SHTN1: variants seen among roughly 807,000 people sequenced by gnomAD.
SHTN1 encodes the protein shootin 1.
In SHTN1, 42 loss-of-function variants were observed where a neutral mutation model predicts 83.1. The observed-to-expected ratio is 0.51, with a 90% CI of 0.39 to 0.65. The LOEUF (loss-of-function observed/expected upper bound fraction) is 0.65, where lower values mean the gene tolerates loss of function less well. Among genes scored for constraint, SHTN1 ranks in the 30% least tolerant of loss-of-function variants. SHTN1 has a pLI of 0.00. For missense variants in SHTN1, 622 were observed against 737.8 expected (o/e 0.84, Z 1.82); for synonymous variants, 224 against 247.7 (o/e 0.90, Z 0.90).
At chr10:116,947,882 A>G (rs1849646679) in intron 7 of SHTN1, among the ~76,000 whole-genome samples, 1 of 152,240 alleles carries the variant, frequency 6.6e-6, no homozygotes, top group South Asian at 2.1e-4. Context: ...AAATACAGAA[A>G]GACTTGGAGA....
intron 3 of SHTN1, among the ~76,000 whole-genome samples, chr10:116,960,740 T>A (rs886301443): frequency 1.3e-5 from 2 of 152,208 alleles, no homozygotes; most frequent in African/African-American, 4.8e-5. Flanking sequence ...TTGTCTCTAT[T>A]AGCTACAAAG....
chr10:116,944,943 G>A lies in SHTN1; in HGVS notation c.692C>T (p.Ala231Val). The stretch of plus-strand genomic sequence containing the variant: ...ACCCACCTCTTGTGCAAATGACTCT[G>A]CTTTCTTTCGAAGGTCCTTCTCCAG... ...LELEKDLRKK[A>V]ESFAQEMFIE... Residue 231 changes from alanine to valine, a missense_variant, in exon 8 of 17, where the codon GCA becomes GTA. By Grantham distance (64) the Ala-to-Val change is moderately conservative. This residue lies in a region of SHTN1 where 383 missense variants were observed against 455.8 expected (regional missense o/e 0.84). Coordinates refer to ENST00000355371, the MANE Select transcript of SHTN1 (RefSeq NM_001127211.3). 1 of 1,608,282 alleles carries A rather than the reference G, an allele frequency of 6.2e-7. No homozygotes were observed.
At chr10:116,957,329 C>T (rs1262082079) in intron 4 of SHTN1, among the ~76,000 whole-genome samples, 1 of 149,510 alleles carries the variant, frequency 6.7e-6, no homozygotes, top group Non-Finnish European at 1.5e-5. Context: ...TTTCAGCTCA[C>T]TGCAACCTCT....
intron 2 of SHTN1, among the ~76,000 whole-genome samples, chr10:116,978,358 G>A (rs1430396984): frequency 6.6e-6 from 1 of 152,164 alleles, no homozygotes; most frequent in Non-Finnish European, 1.5e-5. Flanking sequence ...ATTTAGAGCA[G>A]TGATGGCTAT....
intron 1 of SHTN1, among the ~76,000 whole-genome samples, chr10:117,110,503 C>G (rs760069426): frequency 6.6e-6 from 1 of 151,932 alleles, no homozygotes; most frequent in Non-Finnish European, 1.5e-5. Flanking sequence ...AGGTGCACAC[C>G]GCCATGCCTG....
intron 1 of SHTN1, among the ~76,000 whole-genome samples, chr10:117,071,082 A>G (rs1853075260): frequency 6.6e-6 from 1 of 152,170 alleles, no homozygotes; most frequent in Non-Finnish European, 1.5e-5. Flanking sequence ...TTAACAATAA[A>G]GCAGCAATTA....
chr10:117,014,766 T>G (rs536482119), intron 2 of SHTN1, among the ~76,000 whole-genome samples: 1 of 152,282 alleles, frequency 6.6e-6, no homozygotes, highest in African/African-American at 2.4e-5. Context: ...ATTTAAAAAC[T>G]TATTCAGTGA....
chr10:117,072,280 G>T (rs1303562964), intron 1 of SHTN1, among the ~76,000 whole-genome samples: 2 of 152,126 alleles, frequency 1.3e-5, no homozygotes, highest in African/African-American at 4.8e-5. Flanking sequence ...CCTATTGTGG[G>T]ACTTTGTGAT....
intron 1 of SHTN1, among the ~76,000 whole-genome samples, chr10:117,051,731 A>G (rs1852743472): frequency 6.6e-6 from 1 of 151,650 alleles, no homozygotes; most frequent in Non-Finnish European, 1.5e-5. Context: ...AAAAAAAAAA[A>G]TTCACTATTC....
intron 1 of SHTN1, among the ~76,000 whole-genome samples, chr10:117,069,631 AT>A (rs1337648815): frequency 3.3e-4 from 50 of 152,314 alleles, no homozygotes; most frequent in African/African-American, 1.0e-3. Context: ...TATTAAGTAA[AT>A]TATTACTATT....
chr10:117,035,542 T>A (rs1852482110), intron 2 of SHTN1, among the ~76,000 whole-genome samples: 1 of 151,990 alleles, frequency 6.6e-6, no homozygotes, highest in South Asian at 2.1e-4. Context: ...AAGAGACAAC[T>A]CACAGAATGG....
intron 11 of SHTN1, among the ~76,000 whole-genome samples, chr10:116,926,608 C>T (rs1184759956): frequency 6.6e-6 from 1 of 151,732 alleles, no homozygotes; most frequent in Non-Finnish European, 1.5e-5. Flanking sequence ...GTGGGAGGAA[C>T]ATGCTACGCA....
intron 16 of SHTN1, among the ~76,000 whole-genome samples, chr10:116,889,245 T>C (rs1053744023): frequency 6.6e-6 from 1 of 152,226 alleles, no homozygotes; most frequent in Non-Finnish European, 1.5e-5. Context: ...ACAGCAGCAA[T>C]ACATGGATGT....
At chr10:117,103,526 CT>C (rs1853627929) in intron 1 of SHTN1, among the ~76,000 whole-genome samples, 1 of 125,948 alleles carries the variant, frequency 7.9e-6, no homozygotes, top group South Asian at 2.6e-4. Flanking sequence ...CTCCCCTCCC[CT>C]CTCTTTTTTT....
At chr10:116,927,638 T>C (rs1848794224) in intron 11 of SHTN1, among the ~76,000 whole-genome samples, 154 bp downstream of exon 11, 1 of 152,088 alleles carries the variant, frequency 6.6e-6, no homozygotes. Context: ...GAAATTTGGG[T>C]GGGGACACAA....
chr10:117,037,293 C>T (rs1241912313), intron 2 of SHTN1, among the ~76,000 whole-genome samples: 4 of 152,020 alleles, frequency 2.6e-5, no homozygotes, highest in Non-Finnish European at 5.9e-5. Context: ...AAACAAAAAA[C>T]CCTAATACTA....
At chr10:116,907,853 G>A in intron 14 of SHTN1, 1 of 516,426 alleles carries the variant, frequency 1.9e-6, no homozygotes, top group Non-Finnish European at 3.9e-6. Context: ...AATCTTGCCA[G>A]CCTTTGTAAT....
intron 1 of SHTN1, among the ~76,000 whole-genome samples, chr10:117,075,277 C>T (rs1375096553): frequency 2.0e-5 from 3 of 152,136 alleles, no homozygotes; most frequent in Non-Finnish European, 4.4e-5. Context: ...TGATGAGTCA[C>T]AGTTGTTCAT....
chr10:117,024,501 CCCA>C (rs1292352675), intron 2 of SHTN1, among the ~76,000 whole-genome samples: 1 of 151,510 alleles, frequency 6.6e-6, no homozygotes, highest in African/African-American at 2.4e-5. Flanking sequence ...ACTACAGGCG[CCCA>C]CCACCACGCC....
Sources: allele counts gnomAD v4.1 joint callset (sites outside exome capture counted in the v4.1 genomes callset), GRCh38; gene constraint gnomAD v4.1.1; regional missense constraint gnomAD v4.1.1; transcripts MANE v1.5; gene names NCBI Gene and HGNC (gene_info 2026-07-23, HGNC 2026-07-21).